KIFC3: variants seen among roughly 807,000 people sequenced by gnomAD.
KIFC3 encodes kinesin family member C3.
In KIFC3, 60 loss-of-function variants were observed where a neutral mutation model predicts 101.8. The ratio of observed to expected loss-of-function variants is 0.59; its 90% CI spans 0.48 to 0.73. The LOEUF (loss-of-function observed/expected upper bound fraction) is 0.73. Ranked by LOEUF, KIFC3 falls within the 30% of genes least tolerant of loss-of-function variation. KIFC3 has a pLI of 0.00. For missense variants in KIFC3, 966 were observed against 1,137.1 expected, an observed-to-expected ratio of 0.85 and a Z score of 2.16; for synonymous variants, 476 against 482.7, an observed-to-expected ratio of 0.99 and a Z score of 0.18.
At chr16:57,795,172 C>G (rs782437442) in intron 2 of KIFC3, 31 bp from the exon 3 acceptor site, 23 of 1,597,508 alleles carry the variant, frequency 1.4e-5, no homozygotes, top group Non-Finnish European at 7.7e-6. Context: ...AGGTGAGACA[C>G]TCCGACCACT....
At chr16:57,803,009 A>C (rs1307749789), upstream of KIFC3, 2 of 1,535,880 alleles carry the variant, frequency 1.3e-6, no homozygotes, top group Admixed American at 2.0e-5. Context: ...GCGCTGGCGC[A>C]CATGCACTCA....
intron 1 of KIFC3, among the ~76,000 whole-genome samples, chr16:57,817,336 G>T (rs978042303): frequency 1.3e-5 from 2 of 151,764 alleles, no homozygotes; most frequent in Non-Finnish European, 2.9e-5. Flanking sequence ...TCCAGCCTGG[G>T]TGACAGAGAG....
chr16:57,816,175 C>T, intron 1 of KIFC3: 2 of 1,257,700 alleles, frequency 1.6e-6, no homozygotes, highest in Non-Finnish European at 2.1e-6. Context: ...AGGGTGCTCC[C>T]ACTTCTAATA....
intron 9 of KIFC3, among the ~76,000 whole-genome samples, chr16:57,768,622 C>T (rs2050779372): frequency 6.6e-6 from 1 of 152,060 alleles, no homozygotes; most frequent in Admixed American, 6.6e-5. Context: ...GCAGAGAGGC[C>T]TTTCCTATTC....
At chr16:57,854,821 C>A (rs931883494) in intron 1 of KIFC3, among the ~76,000 whole-genome samples, 29 of 152,056 alleles carry the variant, frequency 1.9e-4, no homozygotes, top group African/African-American at 7.0e-4. Context: ...TAAAGTTATT[C>A]CCTGACCACA....
In KIFC3 at chr16:57,824,011, C is replaced by T. The variant is rs181603542; in HGVS notation, c.109-25729G>A. Among the ~76,000 whole-genome samples, 282 of 152,294 alleles carry T rather than the reference C, an allele frequency of 1.9e-3. 2 individuals carry two copies. Among genetic ancestry groups the T allele is most frequent in the Non-Finnish European group, 2.2e-3 (148 of 68,024 alleles). On this transcript the variant is annotated intron_variant, in intron 1 of 2. Transcript: ENST00000563028. The stretch of plus-strand genomic sequence containing the variant: ...GAAAGAAAAAAGAAAGAAAGAAATG[C>T]ATGGTTCCTGCCCTTGCAGAGTCCT...
At chr16:57,861,353 T>G (rs987427930) in intron 1 of KIFC3, among the ~76,000 whole-genome samples, 1 of 152,224 alleles carries the variant, frequency 6.6e-6, no homozygotes, top group Admixed American at 6.5e-5. Flanking sequence ...CCAGCAGGAT[T>G]GGCTTTACCC....
At chr16:57,826,026 C>T (rs940027449) in intron 1 of KIFC3, among the ~76,000 whole-genome samples, 2 of 152,252 alleles carry the variant, frequency 1.3e-5, no homozygotes, top group African/African-American at 4.8e-5. Flanking sequence ...TATGTTCAAA[C>T]AGTGCAAACT....
chr16:57,813,835 C>G, intron 1 of KIFC3: 1 of 985,428 alleles, frequency 1.0e-6, no homozygotes, highest in Non-Finnish European at 1.2e-6. Flanking sequence ...GAAGACAGAA[C>G]CCCATGCTCT....
At chr16:57,844,638 T>C (rs1333146968) in intron 1 of KIFC3, among the ~76,000 whole-genome samples, 1 of 152,050 alleles carries the variant, frequency 6.6e-6, no homozygotes, top group Non-Finnish European at 1.5e-5. Context: ...TGCTGGGGTC[T>C]CTGTCCCACT....
At chr16:57,764,117 C>T in intron 12 of KIFC3, 26 bp downstream of exon 12, 1 of 1,535,780 alleles carries the variant, frequency 6.5e-7, no homozygotes, top group African/African-American at 1.4e-5. Context: ...TCACTGTGAA[C>T]CCCCACCCCA....
intron 3 of KIFC3, among the ~76,000 whole-genome samples, chr16:57,773,207 C>T (rs1555609907): frequency 6.6e-6 from 1 of 152,190 alleles, no homozygotes; most frequent in African/African-American, 2.4e-5. Context: ...GGGAAAGGTG[C>T]GCTAAGAGCC....
intron 4 of KIFC3, 30 bp from the exon 5 acceptor site, chr16:57,771,716 T>C (rs782320092): frequency 6.3e-6 from 10 of 1,598,162 alleles, no homozygotes; most frequent in East Asian, 2.3e-5. Context: ...AGGGGGCGCA[T>C]GTGGCGAGGG....
chr16:57,822,655 C>T (rs1397815379), intron 1 of KIFC3, among the ~76,000 whole-genome samples: 4 of 152,064 alleles, frequency 2.6e-5, no homozygotes, highest in African/African-American at 4.8e-5. Flanking sequence ...CGAGATCACA[C>T]CATTGCACTC....
At chr16:57,759,078 TGCGGGCAGGCAG>T (rs1555592749) in intron 19 of KIFC3, 35 bp downstream of exon 19, 1 of 1,547,494 alleles carries the variant, frequency 6.5e-7, no homozygotes, top group Admixed American at 2.0e-5. Context: ...TGCAACCCAC[TGCGGGCAGGCAG>T]GCGGGCAGCC....
At chr16:57,773,212 A>G (rs2051518548) in intron 3 of KIFC3, among the ~76,000 whole-genome samples, 1 of 152,224 alleles carries the variant, frequency 6.6e-6, no homozygotes, top group African/African-American at 2.4e-5. Flanking sequence ...AGGTGCGCTA[A>G]GAGCCAGATT....
At position 57,798,178 on chromosome 16, in the gene KIFC3, C is replaced by A; in HGVS notation, c.66G>T (p.Val22=). 1 of 1,540,308 alleles carries A rather than the reference C, an allele frequency of 6.5e-7. No individual in the cohort carries two copies. Among genetic ancestry groups the A allele is most frequent in the South Asian group, 1.2e-5 (1 of 82,490 alleles). The change falls in exon 2 of 20, where the codon GTG becomes GTT. Residue 22 remains valine, a synonymous_variant. Transcript: ENST00000445690. ...CCGGCTCGGGCTCCGGGGCCCGGCC[C>A]ACTCTCCACAGGCCCCGCAGCGAGG... is the stretch of plus-strand genomic sequence containing the variant. ...ATPSLRGLWR[V]GRAPEPEPGM...
At chr16:57,760,173 T>C in intron 17 of KIFC3, 109 bp downstream of exon 17, 1 of 1,332,238 alleles carries the variant, frequency 7.5e-7, no homozygotes, top group Non-Finnish European at 1.0e-6. Flanking sequence ...TCCGGCAGCT[T>C]CCCTGCCCCC....
At chr16:57,774,333 T>C (rs2051722544) in intron 3 of KIFC3, 2 of 152,220 alleles carry the variant, frequency 1.3e-5, no homozygotes, top group African/African-American at 4.8e-5. Context: ...ACAATGTGTA[T>C]ATATAGTACA....
Sources: allele counts gnomAD v4.1 joint callset (sites outside exome capture counted in the v4.1 genomes callset), GRCh38; gene constraint gnomAD v4.1.1; transcripts MANE v1.5; gene names NCBI Gene and HGNC (gene_info 2026-07-23, HGNC 2026-07-21).